The following DIS3L2 variants were observed in gnomAD, a reference collection of about 807,000 sequenced individuals.
DIS3L2 encodes the protein DIS3-like exonuclease 2.
A neutral mutation model predicts 97.5 loss-of-function variants in DIS3L2; 34 were observed. That is an observed-to-expected ratio of 0.35 (90% confidence interval 0.27 to 0.46). DIS3L2 has a LOEUF of 0.46. Ranked by LOEUF, DIS3L2 falls within the 20% of genes least tolerant of loss-of-function variation. DIS3L2 has a pLI of 1.00. For synonymous variants in DIS3L2, 435 were observed against 445.2 expected (o/e 0.98, Z 0.29); for missense variants, 1,038 against 1,146.0 (o/e 0.91, Z 1.36).
downstream of DIS3L2, among the ~76,000 whole-genome samples, chr2:232,338,364 G>C (rs887760268): frequency 1.3e-5 from 2 of 152,196 alleles, no homozygotes; most frequent in Admixed American, 6.5e-5. Context: ...GAGTAGCCAG[G>C]GGGGTGAACA....
intron 5 of DIS3L2, among the ~76,000 whole-genome samples, chr2:232,062,835 A>G (rs950189832): frequency 1.3e-5 from 2 of 151,116 alleles, no homozygotes; most frequent in Non-Finnish European, 3.0e-5. Flanking sequence ...CCCTATCTTC[A>G]TCTATCTATC....
intron 6 of DIS3L2, among the ~76,000 whole-genome samples, chr2:232,121,211 T>C (rs1574890998): frequency 6.6e-6 from 1 of 152,298 alleles, no homozygotes; most frequent in East Asian, 1.9e-4. Context: ...ACCTGTGACC[T>C]TGTCACTAAG....
intron 3 of DIS3L2, among the ~76,000 whole-genome samples, chr2:232,018,118 C>T (rs1262097113): frequency 1.3e-5 from 2 of 152,148 alleles, no homozygotes; most frequent in East Asian, 3.8e-4. Flanking sequence ...TGAAAGAAAA[C>T]TAGCCTAGAA....
intron 8 of DIS3L2, 34 bp downstream of exon 8, chr2:232,136,753 A>G: frequency 6.2e-7 from 1 of 1,606,946 alleles, no homozygotes; most frequent in Non-Finnish European, 8.5e-7. Flanking sequence ...ACCACAGGTC[A>G]CAGGCAGAAC....
At chr2:232,247,516 G>C (rs1028471931) in intron 11 of DIS3L2, among the ~76,000 whole-genome samples, 1 of 150,582 alleles carries the variant, frequency 6.6e-6, no homozygotes, top group Non-Finnish European at 1.5e-5. Context: ...ATTTGACCAG[G>C]GCACCACCCC....
At chr2:232,323,349 C>T (rs1295607731) in intron 14 of DIS3L2, among the ~76,000 whole-genome samples, 1 of 152,234 alleles carries the variant, frequency 6.6e-6, no homozygotes, top group Non-Finnish European at 1.5e-5. Flanking sequence ...GCCCCAGCTC[C>T]CAGCAAGTCT....
chr2:232,053,700 T>G (rs1267138430), intron 5 of DIS3L2, among the ~76,000 whole-genome samples: 1 of 152,224 alleles, frequency 6.6e-6, no homozygotes, highest in Non-Finnish European at 1.5e-5. Flanking sequence ...TTGCAAAGGA[T>G]GCAGATGAAT....
intron 14 of DIS3L2, among the ~76,000 whole-genome samples, chr2:232,303,588 A>G (rs533385898): frequency 6.6e-6 from 1 of 152,366 alleles, no homozygotes; most frequent in Admixed American, 6.5e-5. Context: ...AATTCAATCC[A>G]TCAGCAGAAA....
intron 3 of DIS3L2, among the ~76,000 whole-genome samples, chr2:232,020,829 T>C (rs1046701751): frequency 6.6e-6 from 1 of 152,142 alleles, no homozygotes; most frequent in Non-Finnish European, 1.5e-5. Flanking sequence ...CTGATCGATA[T>C]AAAGCTCTTC....
chr2:232,153,913 T>G (rs1304642690), intron 8 of DIS3L2, among the ~76,000 whole-genome samples: 1 of 151,778 alleles, frequency 6.6e-6, no homozygotes, highest in East Asian at 1.9e-4. Flanking sequence ...TTTTTATTCT[T>G]TTTTCTCTAA....
intron 14 of DIS3L2, among the ~76,000 whole-genome samples, chr2:232,314,957 C>G (rs144414610): frequency 6.6e-6 from 1 of 152,192 alleles, no homozygotes; most frequent in Non-Finnish European, 1.5e-5. Context: ...TGGAATGACT[C>G]GTTTCTCTCT....
intron 5 of DIS3L2, among the ~76,000 whole-genome samples, chr2:232,065,871 G>T (rs1307540627): frequency 6.6e-6 from 1 of 151,256 alleles, no homozygotes; most frequent in African/African-American, 2.4e-5. Flanking sequence ...TATAAGTTTT[G>T]CATATATTTT....
At chr2:232,056,017 A>C (rs1431202974) in intron 5 of DIS3L2, among the ~76,000 whole-genome samples, 1 of 152,212 alleles carries the variant, frequency 6.6e-6, no homozygotes, top group East Asian at 1.9e-4. Flanking sequence ...AAAGCTTTTC[A>C]AGGAAAACAT....
chr2:232,134,873 A>G (rs969274077), intron 7 of DIS3L2, among the ~76,000 whole-genome samples: 20 of 149,480 alleles, frequency 1.3e-4, no homozygotes, highest in East Asian at 9.7e-4. Context: ...GTGTGTGCGC[A>G]CACACACACA....
intron 11 of DIS3L2, among the ~76,000 whole-genome samples, chr2:232,245,613 C>A (rs1468235020): frequency 1.3e-5 from 2 of 152,152 alleles, no homozygotes; most frequent in African/African-American, 2.4e-5. Flanking sequence ...TGCTTTAAGA[C>A]CTGGTAAATG....
At chr2:232,320,555 A>G (rs773684270) in intron 14 of DIS3L2, among the ~76,000 whole-genome samples, 2 of 152,204 alleles carry the variant, frequency 1.3e-5, no homozygotes, top group Non-Finnish European at 2.9e-5. Flanking sequence ...GGCCAGCAGA[A>G]GCCATCTTGG....
intron 14 of DIS3L2, among the ~76,000 whole-genome samples, chr2:232,309,632 T>C (rs1200847047): frequency 6.6e-6 from 1 of 151,830 alleles, no homozygotes; most frequent in African/African-American, 2.4e-5. Flanking sequence ...GCCCGCACAA[T>C]GGCTCCCACC....
chr2:232,038,002 C>G (rs1443602762), intron 5 of DIS3L2, among the ~76,000 whole-genome samples: 1 of 152,218 alleles, frequency 6.6e-6, no homozygotes, highest in Non-Finnish European at 1.5e-5. Context: ...TGGGAATCCT[C>G]TTTTTTCTTT....
In DIS3L2 at chr2:232,031,654, C is replaced by T. The variant is rs187914509; in HGVS notation, c.366+1574C>T. Among the ~76,000 whole-genome samples, 63 of 151,694 alleles carry T rather than the reference C, an allele frequency of 4.2e-4. 1 individual carries two copies. The highest frequency in any genetic ancestry group is 8.4e-4 in the South Asian group (4 of 4,742). On this transcript the variant is annotated intron_variant, in intron 5 of 20. Transcript: ENST00000325385. ...TTCTAATGCTATCCCTCCCCTTGTC[C>T]GCACCCACCGACAAGCCCCATTGTA...
Sources: gnomAD v4.1 joint callset for allele counts (sites outside exome capture counted in the v4.1 genomes callset) on GRCh38, gnomAD v4.1.1 for gene constraint, MANE v1.5 for transcripts, NCBI Gene and HGNC (gene_info 2026-07-23, HGNC 2026-07-21) for gene names.